Variants in HECW2 observed in about 807,000 individuals in gnomAD.
The protein encoded by HECW2 is E3 ubiquitin-protein ligase HECW2.
HECW2 carries 61 observed loss-of-function variants against 175.2 expected under a neutral mutation model. That is an observed-to-expected ratio of 0.35 (90% confidence interval 0.28 to 0.43). The LOEUF is 0.43. Ranked by LOEUF, HECW2 falls within the 20% of genes least tolerant of loss-of-function variation. The pLI is 1.00. For missense variants in HECW2, 1,524 were observed against 2,000.5 expected (o/e 0.76, Z 4.54); for synonymous variants, 671 against 731.0 (o/e 0.92, Z 1.32).
intron 1 of HECW2, among the ~76,000 whole-genome samples, chr2:196,497,776 G>A (rs932530931): frequency 6.6e-6 from 1 of 152,172 alleles, no homozygotes; most frequent in African/African-American, 2.4e-5. Flanking sequence ...CCATAGAGAA[G>A]TTACCTAACC....
At chr2:196,263,416 C>T (rs1222558969) in intron 17 of HECW2, 1 of 152,216 alleles carries the variant, frequency 6.6e-6, no homozygotes, top group Non-Finnish European at 1.5e-5. Context: ...CGGAGACAAC[C>T]AGAAGCAGCA....
In HECW2 at chr2:196,228,094, A is replaced by G; in HGVS notation, c.3917+8T>C. The G allele has an allele frequency of 3.0e-5, 46 of 1,534,976 alleles. No individual in the cohort carries two copies. The highest frequency in any genetic ancestry group is 4.0e-5 in the Non-Finnish European group (46 of 1,141,490). On this transcript the variant is annotated splice_region_variant and intron_variant, in intron 22 of 28. Coordinates refer to ENST00000644978, the MANE Select transcript of HECW2 (RefSeq NM_001348768.2). ...CCTGAAGAAAAGTGTTGGGGAAAAA[A>G]TACTTACCATTCATGGTGATTGTCT... is the stretch of plus-strand genomic sequence containing the variant.
chr2:196,197,789 C>G lies in HECW2; in HGVS notation c.*3488G>C, dbSNP rs1490525168. On this transcript the variant is annotated 3_prime_UTR_variant, in exon 29 of 29. Coordinates refer to ENST00000644978, the MANE Select transcript of HECW2 (RefSeq NM_001348768.2). ...AAAATCAGCCACAACCCAGATGGAA[C>G]ATGATGCTTGTACCCTACAAAGTGC... 5.3e-5 allele frequency: 8 copies of G among 152,180 alleles called. No individual in the cohort carries two copies. The highest frequency in any genetic ancestry group is 5.2e-4 in the Admixed American group (8 of 15,276). The allele number at this position is 152,180 out of a possible 1,614,324, so 9.4% of individuals were successfully genotyped here.
chr2:196,197,235 A>G lies in HECW2; in HGVS notation c.*4042T>C, dbSNP rs1347682523. 1 of 151,810 alleles carries G rather than the reference A, an allele frequency of 6.6e-6. No homozygotes were observed. The highest frequency in any genetic ancestry group is 1.5e-5 in the Non-Finnish European group (1 of 67,978). 9.4% of individuals were successfully genotyped at this position (151,810 alleles called of 1,614,324 possible). ...CACATAAATACGGAGTTTCCTGAAT[A>G]AGGTTAAATTGAACAGACTCCTATC... On this transcript the variant is annotated 3_prime_UTR_variant, in exon 29 of 29. Coordinates refer to ENST00000644978, the MANE Select transcript of HECW2 (RefSeq NM_001348768.2).
At chr2:196,491,501 T>TATATAA (rs1171351964) in intron 1 of HECW2, among the ~76,000 whole-genome samples, 1 of 125,944 alleles carries the variant, frequency 7.9e-6, no homozygotes, top group African/African-American at 2.8e-5. Flanking sequence ...TATATATATA[T>TATATAA]ACACACACAC....
At chr2:196,251,716 C>T (rs1330456464) in intron 19 of HECW2, among the ~76,000 whole-genome samples, 1 of 152,100 alleles carries the variant, frequency 6.6e-6, no homozygotes, top group African/African-American at 2.4e-5. Context: ...TTCCCTGGTC[C>T]CCATCTCCAC....
At chr2:196,509,311 A>G (rs2125413606) in intron 1 of HECW2, among the ~76,000 whole-genome samples, 1 of 152,294 alleles carries the variant, frequency 6.6e-6, no homozygotes, top group South Asian at 2.1e-4. Context: ...GTAAGCCTCC[A>G]TGTGTTCAGC....
chr2:196,329,492 A>T, intron 5 of HECW2, 83 bp downstream of exon 5: 1 of 1,126,434 alleles, frequency 8.9e-7, no homozygotes, highest in Non-Finnish European at 1.3e-6. Context: ...ATCATATACG[A>T]AAGTCTGCAG....
At chr2:196,343,359 T>C (rs185443094) in intron 3 of HECW2, among the ~76,000 whole-genome samples, 3 of 152,328 alleles carry the variant, frequency 2.0e-5, no homozygotes, top group Admixed American at 1.3e-4. Context: ...ACTTGTTCAG[T>C]AGAGACAAAA....
chr2:196,373,900 C>T (rs1307172064), intron 2 of HECW2, among the ~76,000 whole-genome samples: 7 of 151,216 alleles, frequency 4.6e-5, no homozygotes, highest in Non-Finnish European at 8.9e-5. Context: ...GGCGTAGTGG[C>T]GGGCGCCTGT....
intron 1 of HECW2, among the ~76,000 whole-genome samples, chr2:196,577,106 T>C (rs532764308): frequency 6.6e-6 from 1 of 152,308 alleles, no homozygotes; most frequent in South Asian, 2.1e-4. Context: ...CTAGAACTTA[T>C]TAGGGACATA....
At chr2:196,576,520 G>A (rs1029222606) in intron 1 of HECW2, among the ~76,000 whole-genome samples, 1 of 152,190 alleles carries the variant, frequency 6.6e-6, no homozygotes, top group East Asian at 1.9e-4. Flanking sequence ...CAACTCAGAC[G>A]CACAGAGTAG....
intron 1 of HECW2, among the ~76,000 whole-genome samples, chr2:196,566,744 G>A (rs976949024): frequency 8.2e-5 from 12 of 145,734 alleles, no homozygotes; most frequent in Middle Eastern, 3.3e-3. Flanking sequence ...GTAGAGATGC[G>A]GTTTCAGCAT....
intron 19 of HECW2, among the ~76,000 whole-genome samples, chr2:196,246,553 TA>T (rs200573123): frequency 0.21 from 32,564 of 151,588 alleles, 4,248 homozygotes; most frequent in East Asian, 0.44. Context: ...CCCGGCTAAT[TA>T]TTTTTTTGTA....
At position 196,240,869 on chromosome 2, in the gene HECW2, C is replaced by T. The variant is rs140094030; in HGVS notation, c.3651-307G>A. ...AAAATGATCATAAAACAACACCACA[C>T]ACACCACACACACCGCCCCCCGCCC... On this transcript the variant is annotated intron_variant, in intron 20 of 28. Coordinates refer to ENST00000644978, the MANE Select transcript of HECW2 (RefSeq NM_001348768.2). 3.5e-3 allele frequency among the ~76,000 whole-genome samples: 532 copies of T among 152,190 alleles called. 3 individuals are homozygous for T. The highest frequency in any genetic ancestry group is 0.017 in the Middle Eastern group (5 of 294).
chr2:196,292,753 A>G lies in HECW2; in HGVS notation c.2815-3T>C. 1 of 1,607,624 alleles carries G rather than the reference A, an allele frequency of 6.2e-7. No homozygotes were observed. Among genetic ancestry groups the G allele is most frequent in the African/African-American group, 1.3e-5 (1 of 74,970 alleles). On this transcript the variant is annotated splice_polypyrimidine_tract_variant and splice_region_variant and intron_variant, in intron 13 of 28. Coordinates refer to ENST00000644978, the MANE Select transcript of HECW2 (RefSeq NM_001348768.2). Reference sequence around the variant, plus strand: ...TTTGTAAACATGCGGTAGGCACTCTAAAGAAAAGAATGGAGAACCAATGTT... The same window carrying G: ...TTTGTAAACATGCGGTAGGCACTCTGAAGAAAAGAATGGAGAACCAATGTT...
At chr2:196,287,999 T>A (rs1172185005) in intron 14 of HECW2, 2 of 148,862 alleles carry the variant, frequency 1.3e-5, no homozygotes, top group African/African-American at 5.2e-5. Context: ...TTTTTTTTTT[T>A]ATCTTTTTTT....
chr2:196,209,256 T>A (rs984468092), intron 28 of HECW2, among the ~76,000 whole-genome samples: 1 of 152,238 alleles, frequency 6.6e-6, no homozygotes, highest in Non-Finnish European at 1.5e-5. Context: ...GGAATGATTA[T>A]CTCATTCCAT....
chr2:196,432,774 T>C lies in HECW2; in HGVS notation c.292+358A>G, dbSNP rs112302557. Among the ~76,000 whole-genome samples, 321 of 152,334 alleles carry C rather than the reference T, an allele frequency of 2.1e-3. 4 individuals are homozygous for C. Among genetic ancestry groups the C allele is most frequent in the African/African-American group, 7.4e-3 (307 of 41,580 alleles). On this transcript the variant is annotated intron_variant, in intron 2 of 28. Coordinates refer to ENST00000644978, the MANE Select transcript of HECW2 (RefSeq NM_001348768.2). Reference sequence around the variant, plus strand: ...CACGTCTCTTTCATCAGTTTAAAAATGTTAGTAAATGTTAATAGATATCTC... The same window carrying C: ...CACGTCTCTTTCATCAGTTTAAAAACGTTAGTAAATGTTAATAGATATCTC...
Sources: allele counts gnomAD v4.1 joint callset (sites outside exome capture counted in the v4.1 genomes callset), GRCh38; gene constraint gnomAD v4.1.1; transcripts MANE v1.5; gene names NCBI Gene and HGNC (gene_info 2026-07-23, HGNC 2026-07-21).